The following EPN2 variants were observed in gnomAD, a reference collection of about 807,000 sequenced individuals.
The protein encoded by EPN2 is epsin 2.
EPN2 carries 34 observed loss-of-function variants against 61.7 expected under a neutral mutation model. The observed-to-expected ratio is 0.55, with a 90% CI of 0.42 to 0.73. EPN2 has a LOEUF of 0.73. EPN2 is among the 30% of genes least tolerant of loss of function. EPN2 has a pLI of 0.00. For synonymous variants in EPN2, 349 were observed against 353.6 expected, an observed-to-expected ratio of 0.99 and a Z score of 0.15; for missense variants, 714 against 839.2, an observed-to-expected ratio of 0.85 and a Z score of 1.84.
intron 1 of EPN2, among the ~76,000 whole-genome samples, chr17:19,270,060 A>T (rs1464706618): frequency 2.0e-5 from 3 of 152,222 alleles, no homozygotes; most frequent in Non-Finnish European, 4.4e-5. Flanking sequence ...AGCAAATCCT[A>T]GTCCCACCTC....
intron 7 of EPN2, 112 bp from the exon 8 acceptor site, chr17:19,328,599 C>T: frequency 9.6e-7 from 1 of 1,038,530 alleles, no homozygotes; most frequent in Non-Finnish European, 1.4e-6. Context: ...GGCTGTCTCA[C>T]CTGGCACAGG....
chr17:19,252,731 C>T (rs2045028105), intron 1 of EPN2, among the ~76,000 whole-genome samples: 1 of 152,140 alleles, frequency 6.6e-6, no homozygotes, highest in Non-Finnish European at 1.5e-5. Context: ...TGCTCTGGCC[C>T]CAGATTGGAG....
At chr17:19,258,427 G>A (rs1288677885) in intron 1 of EPN2, among the ~76,000 whole-genome samples, 2 of 152,122 alleles carry the variant, frequency 1.3e-5, no homozygotes, top group Non-Finnish European at 2.9e-5. Context: ...GGTGAGAGTC[G>A]CATTCCTGTC....
chr17:19,309,971 GC>G lies in EPN2; in HGVS notation c.855del (p.Met286Ter). The G allele has an allele frequency of 6.2e-7, 1 of 1,608,092 alleles. No homozygotes were observed. The highest frequency in any genetic ancestry group is 8.5e-7 in the Non-Finnish European group (1 of 1,179,966). ...EEELQLQLAL[A>X]MSREVAEQEE... ...GGAGCTTCAGCTGCAGCTGGCACTT[GC>G]CATGAGCAGAGAAGTGGCTGAGCAG... On this transcript the variant is annotated frameshift_variant, in exon 5 of 11. Coordinates refer to ENST00000314728, the MANE Select transcript of EPN2 (RefSeq NM_014964.5). LOFTEE classifies it high-confidence loss of function.
At chr17:19,252,917 G>A (rs1414804967) in intron 1 of EPN2, among the ~76,000 whole-genome samples, 1 of 152,150 alleles carries the variant, frequency 6.6e-6, no homozygotes, top group African/African-American at 2.4e-5. Context: ...GACTGGTCTT[G>A]AACTCCTGAG....
rs1473517346 is a variant in EPN2, at chr17:19,296,242, C to A, written c.766+10452C>A. Reference sequence around the variant, plus strand: ...CTCGGCTCACTACAACCTCTGCCTCCCAGGTTCAAGCAATTCTCATGTCTC... The same window carrying A: ...CTCGGCTCACTACAACCTCTGCCTCACAGGTTCAAGCAATTCTCATGTCTC... On this transcript the variant is annotated intron_variant, in intron 4 of 10. Coordinates refer to ENST00000314728, the MANE Select transcript of EPN2 (RefSeq NM_014964.5). 2.0e-5 allele frequency among the ~76,000 whole-genome samples: 3 copies of A among 151,932 alleles called. No individual in the cohort carries two copies. In the East Asian group the frequency reaches 5.8e-4, roughly 29 times the overall value.
chr17:19,249,204 G>A (rs2044985867), intron 1 of EPN2, among the ~76,000 whole-genome samples: 1 of 152,190 alleles, frequency 6.6e-6, no homozygotes, highest in African/African-American at 2.4e-5. Flanking sequence ...GGTGAAAGTG[G>A]GGAGCTAAAA....
At chr17:19,257,085 T>G (rs1014720371) in intron 1 of EPN2, among the ~76,000 whole-genome samples, 1 of 152,268 alleles carries the variant, frequency 6.6e-6, no homozygotes, top group South Asian at 2.1e-4. Flanking sequence ...GACTGCAAAG[T>G]GTTGGGTAGA....
intron 1 of EPN2, among the ~76,000 whole-genome samples, chr17:19,244,254 T>C (rs1011305999): frequency 6.6e-6 from 1 of 151,476 alleles, no homozygotes; most frequent in African/African-American, 2.4e-5. Flanking sequence ...AGGCCAGGAG[T>C]TGGAGACCAG....
intron 7 of EPN2, among the ~76,000 whole-genome samples, chr17:19,326,025 C>A (rs935696312): frequency 1.3e-5 from 2 of 152,046 alleles, no homozygotes; most frequent in African/African-American, 2.4e-5. Context: ...TGCTTAGTTC[C>A]TAGGAATAAA....
chr17:19,289,568 C>T lies in EPN2; in HGVS notation c.766+3778C>T, dbSNP rs111263784. Among the ~76,000 whole-genome samples, 1,112 of 151,774 alleles carry T rather than the reference C, an allele frequency of 7.3e-3. 20 individuals carry two copies. Among genetic ancestry groups the T allele is most frequent in the African/African-American group, 0.026 (1,061 of 41,334 alleles). Reference sequence around the variant, plus strand: ...TGGAGGGGTTGAGTTCAGGACACATCGAAGTGTCTCCTAGACACGCAAGTG... The same window carrying T: ...TGGAGGGGTTGAGTTCAGGACACATTGAAGTGTCTCCTAGACACGCAAGTG... On this transcript the variant is annotated intron_variant, in intron 4 of 10. Coordinates refer to ENST00000314728, the MANE Select transcript of EPN2 (RefSeq NM_014964.5).
chr17:19,323,070 C>G (rs974969109), intron 7 of EPN2, among the ~76,000 whole-genome samples: 1 of 152,170 alleles, frequency 6.6e-6, no homozygotes, highest in Non-Finnish European at 1.5e-5. Flanking sequence ...CAGAGCTCAG[C>G]CAGGCTGTCA....
chr17:19,309,782 C>A, intron 4 of EPN2, 103 bp from the exon 5 acceptor site: 2 of 828,234 alleles, frequency 2.4e-6, no homozygotes, highest in Non-Finnish European at 4.1e-6. Flanking sequence ...CTGGACCTTG[C>A]GGGTTTGAGA....
At chr17:19,315,860 T>C (rs1906358282) in intron 7 of EPN2, among the ~76,000 whole-genome samples, 3 of 152,218 alleles carry the variant, frequency 2.0e-5, no homozygotes, top group Admixed American at 6.5e-5. Flanking sequence ...CCATCAGATA[T>C]CTAATTCCAG....
At chr17:19,250,096 A>ATT (rs761763905) in intron 1 of EPN2, among the ~76,000 whole-genome samples, 12 of 143,310 alleles carry the variant, frequency 8.4e-5, no homozygotes, top group East Asian at 3.9e-4. Context: ...TAGAAACTGA[A>ATT]TTTTTTTTTT....
rs1220003933 is a variant in EPN2, at chr17:19,335,408, T to G, written c.*1154T>G. 1 of 1,550,010 alleles carries G rather than the reference T, an allele frequency of 6.5e-7. No individual in the cohort carries two copies. Among genetic ancestry groups the G allele is most frequent in the African/African-American group, 1.4e-5 (1 of 73,166 alleles). On this transcript the variant is annotated 3_prime_UTR_variant, in exon 11 of 11. Transcript: ENST00000314728. ...TAATTCCTTTTTTTTATTAAAGGCA[T>G]GCAGGGATTAACAGGACTTCTGTTT...
intron 1 of EPN2, among the ~76,000 whole-genome samples, chr17:19,263,378 G>A (rs796911434): frequency 9.2e-5 from 14 of 152,300 alleles, no homozygotes; most frequent in African/African-American, 2.6e-4. Flanking sequence ...TCCGGAAAGC[G>A]TTCACTAGTA....
intron 4 of EPN2, chr17:19,308,735 A>G (rs1046906362): frequency 7.5e-6 from 7 of 937,514 alleles, no homozygotes; most frequent in African/African-American, 5.3e-5. Flanking sequence ...TAGAGAAGCT[A>G]TGGACCCTTC....
chr17:19,313,022 T>C, intron 6 of EPN2, 83 bp from the exon 7 acceptor site: 1 of 1,430,556 alleles, frequency 7.0e-7, no homozygotes, highest in South Asian at 1.3e-5. Flanking sequence ...GAGGCACAGG[T>C]GGGTGATATT....
Sources: gnomAD v4.1 joint callset for allele counts (sites outside exome capture counted in the v4.1 genomes callset) on GRCh38, gnomAD v4.1.1 for gene constraint, MANE v1.5 for transcripts, NCBI Gene and HGNC (gene_info 2026-07-23, HGNC 2026-07-21) for gene names.